Variants in TLE4 observed in about 807,000 individuals in gnomAD.
TLE4 encodes the protein TLE family member 4, transcriptional corepressor, also known as transducin-like enhancer protein 4.
TLE4 carries 8 observed loss-of-function variants against 92.8 expected under a neutral mutation model. The observed-to-expected ratio is 0.09, with a 90% confidence interval of 0.05 to 0.16. The LOEUF (loss-of-function observed/expected upper bound fraction) is 0.16. Among genes scored for constraint, TLE4 ranks in the 10% least tolerant of loss-of-function variants. The pLI is 1.00. For missense variants in TLE4, 675 were observed against 997.6 expected, an observed-to-expected ratio of 0.68 and a Z score of 4.36; for synonymous variants, 371 against 374.1, an observed-to-expected ratio of 0.99 and a Z score of 0.10.
intron 1 of TLE4, chr9:79,573,314 T>G: frequency 9.5e-7 from 1 of 1,049,730 alleles, no homozygotes; most frequent in East Asian, 9.3e-5. Context: ...TCCCCCGGCC[T>G]GACCGCAGCC....
At chr9:79,685,324 AT>A (rs1057250147) in intron 8 of TLE4, among the ~76,000 whole-genome samples, 2 of 151,720 alleles carry the variant, frequency 1.3e-5, no homozygotes, top group African/African-American at 2.4e-5. Context: ...ATTAGAACAG[AT>A]TTTTTTTTCT....
At chr9:79,615,779 A>G (rs2049425177) in intron 5 of TLE4, among the ~76,000 whole-genome samples, 2 of 152,186 alleles carry the variant, frequency 1.3e-5, no homozygotes, top group Non-Finnish European at 2.9e-5. Flanking sequence ...ACAGAAAAAT[A>G]TTTTCCTATT....
intron 4 of TLE4, among the ~76,000 whole-genome samples, chr9:79,582,358 G>A (rs1307855465): frequency 1.3e-5 from 2 of 152,140 alleles, no homozygotes; most frequent in African/African-American, 4.8e-5. Flanking sequence ...GATGGGCAAA[G>A]TTCTTTGTAT....
intron 6 of TLE4, among the ~76,000 whole-genome samples, chr9:79,637,662 T>A (rs553150300): frequency 2.8e-4 from 43 of 152,212 alleles, no homozygotes; most frequent in Non-Finnish European, 5.3e-4. Context: ...TACTCTTGAC[T>A]CATACGTTGT....
chr9:79,644,417 T>C (rs1188135102), intron 6 of TLE4, among the ~76,000 whole-genome samples: 1 of 152,228 alleles, frequency 6.6e-6, no homozygotes, highest in Non-Finnish European at 1.5e-5. Flanking sequence ...AAGGGTTTTA[T>C]ATGGATCATG....
At chr9:79,595,425 A>G (rs2043703061) in intron 4 of TLE4, among the ~76,000 whole-genome samples, 1 of 152,204 alleles carries the variant, frequency 6.6e-6, no homozygotes, top group Non-Finnish European at 1.5e-5. Flanking sequence ...TTATTTTTAA[A>G]AAACAAAACA....
intron 6 of TLE4, among the ~76,000 whole-genome samples, chr9:79,644,696 G>A (rs2057803608): frequency 6.6e-6 from 1 of 152,342 alleles, no homozygotes; most frequent in East Asian, 1.9e-4. Context: ...CAAGGAGTAT[G>A]GCTACCAGCC....
At chr9:79,723,702 A>AT (rs2076002017) in intron 19 of TLE4, among the ~76,000 whole-genome samples, 1 of 152,242 alleles carries the variant, frequency 6.6e-6, no homozygotes, top group Non-Finnish European at 1.5e-5. Context: ...TACAAGCAAT[A>AT]TAATAGACTT....
At chr9:79,618,861 ATTC>A (rs2050283027) in intron 5 of TLE4, among the ~76,000 whole-genome samples, 1 of 152,328 alleles carries the variant, frequency 6.6e-6, no homozygotes, top group Non-Finnish European at 1.5e-5. Flanking sequence ...AGAAGACGTT[ATTC>A]TTTTTACAAT....
At chr9:79,716,786 C>T (rs975789996) in intron 14 of TLE4, among the ~76,000 whole-genome samples, 4 of 152,206 alleles carry the variant, frequency 2.6e-5, no homozygotes, top group Non-Finnish European at 5.9e-5. Context: ...GACCATCTGA[C>T]ATTTTGATAG....
chr9:79,625,027 T>C (rs1417698053), intron 5 of TLE4, among the ~76,000 whole-genome samples: 1 of 134,710 alleles, frequency 7.4e-6, no homozygotes, highest in Non-Finnish European at 1.6e-5. Context: ...TTTTTTTTTT[T>C]TTTTTTTTTT....
intron 6 of TLE4, among the ~76,000 whole-genome samples, chr9:79,641,016 T>C (rs1486505154): frequency 6.6e-6 from 1 of 151,870 alleles, no homozygotes; most frequent in Non-Finnish European, 1.5e-5. Flanking sequence ...CTAGTAAATA[T>C]TACTGTGGGG....
In TLE4 at chr9:79,718,822, A is replaced by T. The variant is rs1332812716; in HGVS notation, c.1441A>T (p.Ile481Phe). 6.2e-7 allele frequency: 1 copy of T among 1,614,102 alleles called. No individual in the cohort carries two copies. The highest frequency in any genetic ancestry group is 2.2e-5 in the East Asian group (1 of 44,866). The change falls in exon 15 of 20, where the codon ATC becomes TTC. Residue 481 changes from isoleucine to phenylalanine, a missense_variant. Physicochemically the swap from Ile to Phe is conservative, Grantham distance 21. Around this residue, in one of 5 missense-constraint regions of TLE4, gnomAD observed 119 missense variants for 175.9 expected, o/e 0.68. Transcript: ENST00000376552. ...TGGAATCCCCCGGCATGCTCGCCAG[A>T]TCAACACCCTCAACCACGGGGAGGT... ...GPGIPRHARQINTLNHGEVVC... is the reference protein window; with the variant it reads ...GPGIPRHARQFNTLNHGEVVC...
At chr9:79,597,984 G>C (rs1229858291) in intron 4 of TLE4, among the ~76,000 whole-genome samples, 1 of 150,474 alleles carries the variant, frequency 6.6e-6, no homozygotes, top group Admixed American at 6.7e-5. Flanking sequence ...TGTAATCCCA[G>C]CATTTTGGGA....
At chr9:79,671,562 C>G (rs1343932532) in intron 8 of TLE4, 1 of 247,340 alleles carries the variant, frequency 4.0e-6, no homozygotes, top group Non-Finnish European at 8.5e-6. Flanking sequence ...AGGAGAGACT[C>G]TTGCTGCTTT....
chr9:79,724,947 C>T (rs1466610302), intron 19 of TLE4, 90 bp from the exon 20 acceptor site: 8 of 812,640 alleles, frequency 9.8e-6, no homozygotes, highest in Non-Finnish European at 1.6e-5. Flanking sequence ...GGTCAAGGAG[C>T]ACATTACATT....
At position 79,704,920 on chromosome 9, in the gene TLE4, T is replaced by G; in HGVS notation, c.729+18T>G. The G allele has an allele frequency of 1.2e-6, 2 of 1,613,730 alleles. No individual in the cohort carries two copies. Among genetic ancestry groups the G allele is most frequent in the Non-Finnish European group, 1.7e-6 (2 of 1,179,916 alleles). ...CTCGTTATGTAAGTTCATTCACCTT[T>G]GTGTTAGGGGAGGCCAGCTTGCCTT... On this transcript the variant is annotated intron_variant, in intron 9 of 19. Coordinates refer to ENST00000376552, the MANE Select transcript of TLE4 (RefSeq NM_007005.6).
intron 8 of TLE4, among the ~76,000 whole-genome samples, chr9:79,704,176 C>A (rs1401658163): frequency 6.6e-6 from 1 of 152,096 alleles, no homozygotes; most frequent in Non-Finnish European, 1.5e-5. Context: ...TGCAGTGGCG[C>A]CATCTTGGCT....
intron 6 of TLE4, among the ~76,000 whole-genome samples, chr9:79,642,381 G>A (rs1309898701): frequency 4.0e-5 from 6 of 151,632 alleles, no homozygotes; most frequent in African/African-American, 9.7e-5. Context: ...TCAGCCTCCC[G>A]AGTAGCTGGG....
Sources: allele counts gnomAD v4.1 joint callset (sites outside exome capture counted in the v4.1 genomes callset), GRCh38; gene constraint gnomAD v4.1.1; regional missense constraint gnomAD v4.1.1; transcripts MANE v1.5; gene names NCBI Gene and HGNC (gene_info 2026-07-23, HGNC 2026-07-21).